The following FRMD6 variants were observed in gnomAD, a reference collection of about 807,000 sequenced individuals.
FRMD6 encodes the protein FERM domain-containing protein 6.
In FRMD6, 37 loss-of-function variants were observed where a neutral mutation model predicts 73.2. The ratio of observed to expected loss-of-function variants is 0.51; its 90% CI spans 0.39 to 0.66. FRMD6 has a LOEUF of 0.66. Among genes scored for constraint, FRMD6 ranks in the 30% least tolerant of loss-of-function variants. FRMD6 has a pLI of 0.00. For missense variants in FRMD6, 714 were observed against 780.5 expected (o/e 0.91, Z 1.02); for synonymous variants, 273 against 282.2 (o/e 0.97, Z 0.33).
At chr14:51,554,043 A>G (rs1478547911) in intron 1 of FRMD6, among the ~76,000 whole-genome samples, 1 of 152,140 alleles carries the variant, frequency 6.6e-6, no homozygotes, top group Non-Finnish European at 1.5e-5. Flanking sequence ...AAAATATACA[A>G]GATGAACCTA....
chr14:51,402,622 G>A, the FRMD6 span, among the ~76,000 whole-genome samples: 1 of 149,122 alleles, frequency 6.7e-6, no homozygotes, highest in African/African-American at 2.5e-5. Context: ...CCAGTCTTGG[G>A]TATATCTTTT....
chr14:51,675,623 G>C (rs2140269517), intron 1 of FRMD6, among the ~76,000 whole-genome samples: 1 of 152,254 alleles, frequency 6.6e-6, no homozygotes, highest in East Asian at 1.9e-4. Flanking sequence ...TCCCCCAAGG[G>C]GGTGTTAAAC....
chr14:51,422,657 T>A, the FRMD6 span, among the ~76,000 whole-genome samples: 1 of 152,372 alleles, frequency 6.6e-6, no homozygotes, highest in African/African-American at 2.4e-5. Flanking sequence ...AAAAAATTTA[T>A]ATTGAACTCT....
intron 1 of FRMD6, among the ~76,000 whole-genome samples, chr14:51,555,544 T>C (rs1347666007): frequency 6.6e-6 from 1 of 152,200 alleles, no homozygotes; most frequent in Non-Finnish European, 1.5e-5. Flanking sequence ...AGCTTACGCC[T>C]GTAATCCCGG....
chr14:51,511,233 GTA>G (rs1884291016), intron 1 of FRMD6, among the ~76,000 whole-genome samples: 1 of 152,128 alleles, frequency 6.6e-6, no homozygotes, highest in Non-Finnish European at 1.5e-5. Flanking sequence ...TTATTTACTT[GTA>G]ACCTTGGCAG....
chr14:51,469,004 G>C, the FRMD6 span, among the ~76,000 whole-genome samples: 9 of 152,042 alleles, frequency 5.9e-5, 1 homozygote, highest in African/African-American at 2.2e-4. Flanking sequence ...GCAGTGGCAC[G>C]ATCTCGGCTC....
At chr14:51,628,240 T>C (rs1369744900) in intron 2 of FRMD6, among the ~76,000 whole-genome samples, 3 of 152,232 alleles carry the variant, frequency 2.0e-5, no homozygotes. Flanking sequence ...AGTCTCTGAA[T>C]GCTACTTTTA....
intron 1 of FRMD6, among the ~76,000 whole-genome samples, chr14:51,533,734 A>G (rs1372534472): frequency 6.6e-6 from 1 of 152,194 alleles, no homozygotes; most frequent in African/African-American, 2.4e-5. Flanking sequence ...TGGTCTCAAG[A>G]TGACATTGCC....
chr14:51,634,293 A>G (rs1344061628), intron 2 of FRMD6, among the ~76,000 whole-genome samples: 15 of 152,224 alleles, frequency 9.9e-5, no homozygotes, highest in Admixed American at 9.2e-4. Flanking sequence ...GCTAATAGGG[A>G]AGGAAGGAAA....
Position 51,681,300 on chromosome 14 carries a change from A to G in FRMD6, c.-146-8391A>G, listed in dbSNP as rs116378148. ...TTTAGATTTCAAGATATGATAAAATAGCATAGATAGTGACCACTACATGTT... is the reference window on the plus strand; with the variant it reads ...TTTAGATTTCAAGATATGATAAAATGGCATAGATAGTGACCACTACATGTT... On this transcript the variant is annotated intron_variant, in intron 1 of 13. Transcript: ENST00000344768. Among the ~76,000 whole-genome samples the G allele has an allele frequency of 2.6e-3, 402 of 152,354 alleles. 1 individual carries two copies. The highest frequency in any genetic ancestry group is 9.0e-3 in the African/African-American group (375 of 41,586).
At chr14:51,657,251 A>C (rs1378283306) in intron 1 of FRMD6, among the ~76,000 whole-genome samples, 1 of 152,028 alleles carries the variant, frequency 6.6e-6, no homozygotes, top group Non-Finnish European at 1.5e-5. Context: ...ATTTCTTTGA[A>C]CTTGTTACTG....
At chr14:51,407,349 T>A in the FRMD6 span, among the ~76,000 whole-genome samples, 9 of 151,976 alleles carry the variant, frequency 5.9e-5, no homozygotes, top group Non-Finnish European at 1.3e-4. Context: ...AAATGGAAGG[T>A]ATTCCTCTTT....
chr14:51,525,140 GTGGATGGA>G (rs71121650), intron 1 of FRMD6, among the ~76,000 whole-genome samples: 18,666 of 148,488 alleles, frequency 0.13, 1,327 homozygotes, highest in East Asian at 0.31. Flanking sequence ...TGATAGGTGG[GTGGATGGA>G]TGGATGGATG....
the FRMD6 span, among the ~76,000 whole-genome samples, chr14:51,433,389 A>T: frequency 5.9e-5 from 9 of 152,238 alleles, no homozygotes; most frequent in Non-Finnish European, 1.2e-4. Flanking sequence ...TCTCTGAAAT[A>T]ATAGGTAGTG....
intron 1 of FRMD6, 115 bp from the exon 2 acceptor site, chr14:51,689,576 G>A: frequency 2.3e-6 from 1 of 441,654 alleles, no homozygotes; most frequent in Non-Finnish European, 4.1e-6. Context: ...GTGCTGGCTG[G>A]AGATATGCTG....
chr14:51,647,061 A>G (rs1339872045), upstream of FRMD6, among the ~76,000 whole-genome samples: 1 of 152,138 alleles, frequency 6.6e-6, no homozygotes, highest in Non-Finnish European at 1.5e-5. Context: ...TTAAAGCCAT[A>G]ATAGAATGGA....
chr14:51,659,304 A>G (rs151064267), intron 1 of FRMD6, among the ~76,000 whole-genome samples: 1 of 152,242 alleles, frequency 6.6e-6, no homozygotes, highest in African/African-American at 2.4e-5. Flanking sequence ...ATGGTCTTTG[A>G]TATATAATAA....
rs368293481 is a variant in FRMD6 at position 51,705,010 on chromosome 14, CTT to C, written c.558+77_558+78del. ...AGTTCGTAGTGTTGCTACTCATACT[CTT>C]TAAGAAATGGGAACACAGATGTTCT... On this transcript the variant is annotated intron_variant, in intron 6 of 13. Transcript: ENST00000344768. 3.5e-4 allele frequency: 463 copies of C among 1,328,188 alleles called. 1 individual carries two copies. In the African/African-American group the frequency reaches 5.1e-3, roughly 15 times the overall value. The allele number at this position is 1,328,188 out of a possible 1,614,324, so 82.3% of individuals were successfully genotyped here.
the FRMD6 span, among the ~76,000 whole-genome samples, chr14:51,399,784 T>C: frequency 6.6e-6 from 1 of 152,208 alleles, no homozygotes; most frequent in African/African-American, 2.4e-5. Context: ...GAATAAACTT[T>C]AGACCAGCTC....
Sources: allele counts gnomAD v4.1 joint callset (sites outside exome capture counted in the v4.1 genomes callset), GRCh38; gene constraint gnomAD v4.1.1; transcripts MANE v1.5; gene names NCBI Gene and HGNC (gene_info 2026-07-23, HGNC 2026-07-21).